The following MYCL variants were observed in gnomAD, a reference collection of about 807,000 sequenced individuals.
MYCL encodes MYCL proto-oncogene, bHLH transcription factor.
MYCL carries 11 observed loss-of-function variants against 31.0 expected under a neutral mutation model. That is an observed-to-expected ratio of 0.35 (90% CI 0.22 to 0.59). MYCL has a LOEUF of 0.59. MYCL is among the 20% of genes least tolerant of loss of function. The pLI is 0.79. For synonymous variants in MYCL, 208 were observed against 202.4 expected (o/e 1.03, Z -0.23); for missense variants, 427 against 486.1 (o/e 0.88, Z 1.14).
rs2124719741 is a variant in MYCL at position 39,901,021 on chromosome 1, G to A, written c.414C>T (p.Gly138=). ...APDCTPSLEA[G]NPAPAAPCPL... ...GACAGGGGGCGGCGGGCGCCGGGTT[G>A]CCGGCTTCGAGGCTGGGAGTGCAGT... Residue 138 remains glycine, a synonymous_variant, in exon 1 of 2, where the codon GGC becomes GGT. Transcript: ENST00000372816. The surrounding 1 kb of genome is among the most constrained non-coding windows in gnomAD (Gnocchi z 6.9). The A allele has an allele frequency of 6.7e-7, 1 of 1,497,878 alleles. No homozygotes were observed. Among genetic ancestry groups the A allele is most frequent in the South Asian group, 1.3e-5 (1 of 75,614 alleles). The allele number at this position is 1,497,878 out of a possible 1,614,324, so 92.8% of individuals were successfully genotyped here. A position where few individuals can be genotyped will look rare whatever the true frequency, so the allele number is the denominator to read the frequency against.
At position 39,897,589 on chromosome 1, in the gene MYCL, C is replaced by T. The variant is rs1417599011; in HGVS notation, c.878G>A (p.Arg293Lys). The change falls in exon 2 of 2, where the codon AGG (arginine) becomes AAG (lysine). Residue 293 changes from arginine to lysine, a missense_variant. Coordinates refer to ENST00000372816, the MANE Select transcript of MYCL (RefSeq NM_001033081.3). This position sits in a 1 kb window ranked among gnomAD's most constrained non-coding sequence, Gnocchi z 4.3. ...RKNHNFLERK[R>K]RNDLRSRFLA... ...GAATCGCGAACGCAGGTCATTCCGC[C>T]TCTTGCGCTCCAGGAAGTTGTGATT... 4 of 1,614,130 alleles carry T rather than the reference C, an allele frequency of 2.5e-6. No homozygotes were observed. The highest frequency in any genetic ancestry group is 3.4e-6 in the Non-Finnish European group (4 of 1,180,060).
intron 1 of MYCL, chr1:39,900,489 C>T: frequency 1.9e-6 from 2 of 1,050,260 alleles, no homozygotes; most frequent in South Asian, 4.6e-5. Flanking sequence ...AACTGGAGAC[C>T]TAGGTTTTTA....
At position 39,897,596 on chromosome 1, in the gene MYCL, G is replaced by C. The variant is rs201425251; in HGVS notation, c.871C>G (p.Arg291Gly). 4 of 1,614,198 alleles carry C rather than the reference G, an allele frequency of 2.5e-6. No homozygotes were observed. Among genetic ancestry groups the C allele is most frequent in the Non-Finnish European group, 3.4e-6 (4 of 1,180,042 alleles). Residue 291 changes from arginine to glycine, a missense_variant, in exon 2 of 2, where the codon CGC becomes GGC. Coordinates refer to ENST00000372816, the MANE Select transcript of MYCL (RefSeq NM_001033081.3). This position sits in a 1 kb window ranked among gnomAD's most constrained non-coding sequence, Gnocchi z 4.3. The stretch of plus-strand genomic sequence containing the variant: ...GAACGCAGGTCATTCCGCCTCTTGC[G>C]CTCCAGGAAGTTGTGATTCTTCCTC... ...TKRKNHNFLE[R>G]KRRNDLRSRF...
At position 39,900,942 on chromosome 1, in the gene MYCL, A is replaced by C; in HGVS notation, c.493T>G (p.Ser165Ala). 1 of 1,501,362 alleles carries C rather than the reference A, an allele frequency of 6.7e-7. No homozygotes were observed. The highest frequency in any genetic ancestry group is 1.3e-5 in the South Asian group (1 of 78,200). The allele number at this position is 1,501,362 out of a possible 1,614,324, so 93.0% of individuals were successfully genotyped here. ...GATGGCTCGGGGAGGTCCTTACCCG[A>C]GTCGCTTGGGCTCTCGGACCCGGAG... is the stretch of plus-strand genomic sequence containing the variant. ...ACSGSESPSD[S>A]ENEEIDVVTV... The change falls in exon 1 of 2, where the codon TCG becomes GCG. Residue 165 changes from serine to alanine, a missense_variant. Transcript: ENST00000372816.
intron 1 of MYCL, chr1:39,900,649 A>G: frequency 7.5e-7 from 1 of 1,327,226 alleles, no homozygotes; most frequent in Non-Finnish European, 9.7e-7. Context: ...TTACAGTCCA[A>G]CCCCAGTATT....
chr1:39,901,198 C>T lies in MYCL; in HGVS notation c.237G>A (p.Ser79=), dbSNP rs755916659. 1 of 1,613,084 alleles carries T rather than the reference C, an allele frequency of 6.2e-7. No individual in the cohort carries two copies. The highest frequency in any genetic ancestry group is 1.3e-5 in the African/African-American group (1 of 74,928). ...TGDEAESRGH[S]KGWGRNYASI... is the part of the protein sequence containing the mutation. ...AGGCGTAGTTCCTGCCCCAGCCTTTCGAGTGGCCCCGGGATTCCGCTTCGT... is the reference window on the plus strand; with the variant it reads ...AGGCGTAGTTCCTGCCCCAGCCTTTTGAGTGGCCCCGGGATTCCGCTTCGT... Residue 79 remains serine, a synonymous_variant, in exon 1 of 2, where the codon TCG becomes TCA. Transcript: ENST00000372816. This position sits in a 1 kb window ranked among gnomAD's most constrained non-coding sequence, Gnocchi z 6.9.
In MYCL at chr1:39,901,115, C is replaced by G; in HGVS notation, c.320G>C (p.Arg107Thr). The G allele has an allele frequency of 6.2e-7, 1 of 1,600,352 alleles. No individual in the cohort carries two copies. The highest frequency in any genetic ancestry group is 8.5e-7 in the Non-Finnish European group (1 of 1,174,080). The change falls in exon 1 of 2, where the codon AGA (arginine) becomes ACA (threonine). Residue 107 changes from arginine (R) to threonine (T), a missense_variant. Transcript: ENST00000372816. The surrounding 1 kb of genome is among the most constrained non-coding windows in gnomAD (Gnocchi z 6.9). Reference protein sequence around the residue: ...SGFSARERLERAVSDRLAPGA... With the variant: ...SGFSARERLETAVSDRLAPGA... ...AGGAGCGAGCCGGTCGCTCACAGCT[C>G]TCTCCAGCCGTTCCCGGGCCGAGAA... is the stretch of plus-strand genomic sequence containing the variant.
rs1356183295 is a variant in MYCL, at chr1:39,901,763, G to A, written c.-329C>T. The A allele has an allele frequency of 6.5e-6, 8 of 1,222,598 alleles. No homozygotes were observed. Among genetic ancestry groups the A allele is most frequent in the Admixed American group, 4.1e-5 (1 of 24,406 alleles). 75.7% of individuals were successfully genotyped at this position (1,222,598 alleles called of 1,614,324 possible). A position where few individuals can be genotyped will look rare whatever the true frequency, so the allele number is the denominator to read the frequency against. On this transcript the variant is annotated 5_prime_UTR_variant, in exon 1 of 2. Coordinates refer to ENST00000372816, the MANE Select transcript of MYCL (RefSeq NM_001033081.3). The surrounding 1 kb of genome is among the most constrained non-coding windows in gnomAD (Gnocchi z 6.9). ...CCAGAAGGCAGCCTGCAGCCAGCCC[G>A]CACCGCGGGACCCGCGCCCGTGCCC...
chr1:39,898,003 C>A, intron 1 of MYCL, 33 bp from the exon 2 acceptor site: 1 of 1,594,748 alleles, frequency 6.3e-7, no homozygotes, highest in Non-Finnish European at 8.5e-7. Context: ...AGAAGAAACA[C>A]ATCCCATGAG....
chr1:39,900,058 T>A, intron 1 of MYCL: 1 of 985,516 alleles, frequency 1.0e-6, no homozygotes, highest in Non-Finnish European at 1.2e-6. Context: ...GGAGTTCTAC[T>A]GCCTTGACCC....
At chr1:39,899,511 T>G in intron 1 of MYCL, 3 of 591,040 alleles carry the variant, frequency 5.1e-6, no homozygotes, top group Non-Finnish European at 6.4e-6. Flanking sequence ...GAGGCCCAGA[T>G]CAGCGAAGTC....
Position 39,900,583 on chromosome 1 carries a change from C to A in MYCL, c.496+356G>T, listed in dbSNP as rs78681783. On this transcript the variant is annotated intron_variant, in intron 1 of 1. Coordinates refer to ENST00000372816, the MANE Select transcript of MYCL (RefSeq NM_001033081.3). ...AGTGTGAGTTTCCTAGGGAAAGAGG[C>A]AGCAGCAAAAAAACTTCAGGTTTGG... is the stretch of plus-strand genomic sequence containing the variant. The A allele has an allele frequency of 7.9e-3, 9,573 of 1,214,104 alleles. 652 individuals carry two copies. The African/African-American group carries it at 0.14, about 17-fold the overall frequency. 75.2% of individuals were successfully genotyped at this position (1,214,104 alleles called of 1,614,324 possible).
intron 1 of MYCL, 32 bp downstream of exon 1, chr1:39,900,906 GC>G: frequency 1.3e-6 from 2 of 1,506,708 alleles, no homozygotes; most frequent in South Asian, 1.3e-5. Context: ...CCATGGGGTG[GC>G]CCCCTCTTGG....
In MYCL at chr1:39,895,541, T is replaced by C; in HGVS notation, c.*1831A>G. ...AGGTGAACTTGCCTTTCAAAATAAA[T>C]CAGACCCTTGCAACAGGAAATTGCC... is the stretch of plus-strand genomic sequence containing the variant. On this transcript the variant is annotated 3_prime_UTR_variant, in exon 2 of 2. Coordinates refer to ENST00000372816, the MANE Select transcript of MYCL (RefSeq NM_001033081.3). 4.4e-6 allele frequency: 1 copy of C among 226,998 alleles called. No homozygotes were observed. Among genetic ancestry groups the C allele is most frequent in the Non-Finnish European group, 8.8e-6 (1 of 114,210 alleles). 14.1% of individuals were successfully genotyped at this position (226,998 alleles called of 1,614,324 possible). A position where few individuals can be genotyped will look rare whatever the true frequency, so the allele number is the denominator to read the frequency against.
chr1:39,897,287 A>T lies in MYCL; in HGVS notation c.*85T>A. 1 of 1,281,090 alleles carries T rather than the reference A, an allele frequency of 7.8e-7. No homozygotes were observed. Among genetic ancestry groups the T allele is most frequent in the East Asian group, 2.3e-5 (1 of 42,968 alleles). 79.4% of individuals were successfully genotyped at this position (1,281,090 alleles called of 1,614,324 possible). A position where few individuals can be genotyped will look rare whatever the true frequency, so the allele number is the denominator to read the frequency against. On this transcript the variant is annotated 3_prime_UTR_variant, in exon 2 of 2. Coordinates refer to ENST00000372816, the MANE Select transcript of MYCL (RefSeq NM_001033081.3). The surrounding 1 kb of genome is among the most constrained non-coding windows in gnomAD (Gnocchi z 4.3). ...GTCCAGACTGTCCCACCATAACCAA[A>T]ATGTGCAAATTACTAAAGGGGAGAG...
intron 1 of MYCL, 53 bp downstream of exon 1, chr1:39,900,886 C>T: frequency 6.6e-7 from 1 of 1,509,184 alleles, no homozygotes. Context: ...AGGGGCAGAG[C>T]TTTGGCCACC....
Position 39,901,843 on chromosome 1 carries a change from C to A in MYCL, c.-409G>T. On this transcript the variant is annotated 5_prime_UTR_variant, in exon 1 of 2. Transcript: ENST00000372816. This position sits in a 1 kb window ranked among gnomAD's most constrained non-coding sequence, Gnocchi z 6.9. ...CCGCCCGCCACCTGGAGCGGACCGG[C>A]TCCCCGCCGGCTCGGGGCAGCCCGG... 1 of 1,260,466 alleles carries A rather than the reference C, an allele frequency of 7.9e-7. No homozygotes were observed. The highest frequency in any genetic ancestry group is 1.9e-5 in the South Asian group (1 of 52,046). 78.1% of individuals were successfully genotyped at this position (1,260,466 alleles called of 1,614,324 possible). A position where few individuals can be genotyped will look rare whatever the true frequency, so the allele number is the denominator to read the frequency against.
Position 39,901,809 on chromosome 1 carries a change from TCG to T in MYCL, c.-377_-376del. The T allele has an allele frequency of 7.8e-7, 1 of 1,276,492 alleles. No homozygotes were observed. Among genetic ancestry groups the T allele is most frequent in the Non-Finnish European group, 1.0e-6 (1 of 1,000,398 alleles). 79.1% of individuals were successfully genotyped at this position (1,276,492 alleles called of 1,614,324 possible). On this transcript the variant is annotated 5_prime_UTR_variant, in exon 1 of 2. The change creates a premature stop within an existing upstream ORF in the 5' untranslated region. Transcript: ENST00000372816. This position sits in a 1 kb window ranked among gnomAD's most constrained non-coding sequence, Gnocchi z 6.9. ...TGCCCTGGCCACCCGCAGCCTCACC[TCG>T]CTCCAGCCGCCCGCCACCTGGAGCG...
rs2124721714 is a variant in MYCL, at chr1:39,901,733, C to A, written c.-299G>T. 8.2e-7 allele frequency: 1 copy of A among 1,214,374 alleles called. No individual in the cohort carries two copies. Among genetic ancestry groups the A allele is most frequent in the South Asian group, 3.1e-5 (1 of 32,328 alleles). 75.2% of individuals were successfully genotyped at this position (1,214,374 alleles called of 1,614,324 possible). A position where few individuals can be genotyped will look rare whatever the true frequency, so the allele number is the denominator to read the frequency against. ...CCGGCGGGGCCGGGCGGGGGCGCGC[C>A]GTGCCCAGAAGGCAGCCTGCAGCCA... On this transcript the variant is annotated 5_prime_UTR_variant, in exon 1 of 2. Coordinates refer to ENST00000372816, the MANE Select transcript of MYCL (RefSeq NM_001033081.3). The surrounding 1 kb of genome is among the most constrained non-coding windows in gnomAD (Gnocchi z 6.9).
Sources: allele counts gnomAD v4.1 joint callset, GRCh38; gene constraint gnomAD v4.1.1; non-coding constraint Gnocchi (gnomAD v3.1); transcripts MANE v1.5; gene names NCBI Gene and HGNC (gene_info 2026-07-23, HGNC 2026-07-21).